Variants in SPATA6 observed in about 807,000 individuals in gnomAD.
SPATA6 encodes the protein spermatogenesis associated 6.
A neutral mutation model predicts 65.3 loss-of-function variants in SPATA6; 56 were observed. The observed-to-expected ratio is 0.86, with a 90% confidence interval of 0.69 to 1.07. SPATA6 has a LOEUF of 1.07. Among genes scored for constraint, SPATA6 ranks in the 50% least tolerant of loss-of-function variants. SPATA6 has a pLI of 0.00. For synonymous variants in SPATA6, 199 were observed against 213.2 expected, an observed-to-expected ratio of 0.93 and a Z score of 0.58; for missense variants, 590 against 594.8, an observed-to-expected ratio of 0.99 and a Z score of 0.08.
intron 11 of SPATA6, among the ~76,000 whole-genome samples, chr1:48,313,574 C>G (rs1052950093): frequency 2.6e-5 from 4 of 152,130 alleles, no homozygotes; most frequent in African/African-American, 7.2e-5. Context: ...CAACTGGTAC[C>G]AGCCACTGCA....
At chr1:48,373,917 T>C (rs754406909) in intron 9 of SPATA6, among the ~76,000 whole-genome samples, 1 of 152,186 alleles carries the variant, frequency 6.6e-6, no homozygotes, top group Non-Finnish European at 1.5e-5. Flanking sequence ...CAATTCAAGT[T>C]GAAGTTTGGG....
intron 11 of SPATA6, among the ~76,000 whole-genome samples, chr1:48,318,849 AT>A (rs1342723080): frequency 6.6e-6 from 1 of 152,194 alleles, no homozygotes. Flanking sequence ...AAGACTAACA[AT>A]TCCTGATATC....
chr1:48,323,499 A>C (rs768439833), intron 11 of SPATA6, among the ~76,000 whole-genome samples: 6 of 152,098 alleles, frequency 3.9e-5, no homozygotes, highest in Non-Finnish European at 8.8e-5. Context: ...GCAAACCAAC[A>C]TTGCACATGT....
At chr1:48,436,006 G>A in intron 3 of SPATA6, 1 of 1,607,740 alleles carries the variant, frequency 6.2e-7, no homozygotes, top group South Asian at 1.1e-5. Context: ...AAGAACACAA[G>A]ATGAATCACT....
intron 11 of SPATA6, among the ~76,000 whole-genome samples, chr1:48,313,683 C>A (rs1321899372): frequency 6.6e-6 from 1 of 152,080 alleles, no homozygotes; most frequent in African/African-American, 2.4e-5. Flanking sequence ...GGATCAAATT[C>A]ACACATAACC....
chr1:48,263,785 C>T, the SPATA6 span, among the ~76,000 whole-genome samples: 14 of 152,156 alleles, frequency 9.2e-5, no homozygotes, highest in Admixed American at 1.3e-4. Context: ...TGCTAAACTA[C>T]GTTGAAAGTT....
chr1:48,290,608 T>C (rs1422651608), downstream of SPATA6, among the ~76,000 whole-genome samples: 4 of 152,080 alleles, frequency 2.6e-5, no homozygotes, highest in South Asian at 2.1e-4. Context: ...ACCCATCTCA[T>C]GTGCAGAGAC....
intron 11 of SPATA6, among the ~76,000 whole-genome samples, chr1:48,347,366 T>C (rs1036162381): frequency 2.0e-5 from 3 of 150,532 alleles, no homozygotes; most frequent in African/African-American, 4.9e-5. Context: ...CCCTGGAAGA[T>C]AACCTAGGCA....
chr1:48,467,295 G>T lies in SPATA6; in HGVS notation c.51+4663C>A, dbSNP rs544157943. Among the ~76,000 whole-genome samples the T allele has an allele frequency of 2.1e-4, 32 of 152,038 alleles. No individual in the cohort carries two copies. The East Asian group carries it at 5.8e-3, about 28-fold the overall frequency. On this transcript the variant is annotated intron_variant, in intron 1 of 12. Transcript: ENST00000371847. ...AGATTACCACTAACACAAAACTTCA[G>T]CAAAAAGTAAGCATGGAAGGGGTAG...
intron 5 of SPATA6, among the ~76,000 whole-genome samples, chr1:48,407,714 ATTGT>A (rs1651839328): frequency 1.3e-5 from 2 of 152,156 alleles, no homozygotes; most frequent in African/African-American, 4.8e-5. Context: ...TCCTGAATTC[ATTGT>A]TTGTGAAAAT....
intron 11 of SPATA6, among the ~76,000 whole-genome samples, chr1:48,350,061 T>C (rs925960872): frequency 6.6e-6 from 1 of 151,892 alleles, no homozygotes; most frequent in African/African-American, 2.4e-5. Context: ...ATACCATTGG[T>C]ATTCCCACCA....
chr1:48,367,059 T>C (rs1647044496), intron 9 of SPATA6, among the ~76,000 whole-genome samples: 1 of 152,222 alleles, frequency 6.6e-6, no homozygotes, highest in African/African-American at 2.4e-5. Context: ...ATGTACTCAG[T>C]AGTCATTCAG....
chr1:48,451,465 CTT>C, intron 3 of SPATA6, 85 bp downstream of exon 3: 1 of 1,346,942 alleles, frequency 7.4e-7, no homozygotes, highest in Non-Finnish European at 1.0e-6. Context: ...CCCTTTTAAA[CTT>C]TTATTTAACC....
chr1:48,293,174 T>C (rs184759125), downstream of SPATA6, among the ~76,000 whole-genome samples: 1 of 152,288 alleles, frequency 6.6e-6, no homozygotes, highest in East Asian at 1.9e-4. Flanking sequence ...TCCCCGGGAT[T>C]TGAGTGGGAT....
intron 3 of SPATA6, among the ~76,000 whole-genome samples, chr1:48,425,636 T>C (rs1292697079): frequency 6.6e-6 from 1 of 152,104 alleles, no homozygotes; most frequent in African/African-American, 2.4e-5. Flanking sequence ...CAGAACAGAA[T>C]CTAGAAAAAA....
intron 8 of SPATA6, among the ~76,000 whole-genome samples, chr1:48,390,926 C>G (rs1408394296): frequency 2.6e-5 from 4 of 152,092 alleles, no homozygotes; most frequent in Non-Finnish European, 4.4e-5. Context: ...ACATTTTACA[C>G]GAGGTCAACT....
chr1:48,471,319 G>A (rs1007587148), intron 1 of SPATA6, among the ~76,000 whole-genome samples: 2 of 152,178 alleles, frequency 1.3e-5, no homozygotes, highest in Non-Finnish European at 2.9e-5. Flanking sequence ...GCAATGGCTG[G>A]CACAAAGTCG....
chr1:48,265,648 G>A, the SPATA6 span, among the ~76,000 whole-genome samples: 1 of 152,026 alleles, frequency 6.6e-6, no homozygotes, highest in African/African-American at 2.4e-5. Context: ...CTGTGAATAG[G>A]TGCTAGATCC....
intron 11 of SPATA6, among the ~76,000 whole-genome samples, chr1:48,329,577 G>A (rs1279982051): frequency 6.6e-6 from 1 of 152,214 alleles, no homozygotes; most frequent in South Asian, 2.1e-4. Context: ...CTATACTTGT[G>A]TTTAAAAGTG....
Sources: allele counts gnomAD v4.1 joint callset (sites outside exome capture counted in the v4.1 genomes callset), GRCh38; gene constraint gnomAD v4.1.1; transcripts MANE v1.5; gene names NCBI Gene and HGNC (gene_info 2026-07-23, HGNC 2026-07-21).